Variants in TMCC1 observed in about 807,000 individuals in gnomAD.
TMCC1 encodes the protein transmembrane and coiled-coil domain family 1.
In TMCC1, 15 loss-of-function variants were observed where a neutral mutation model predicts 52.4. The observed-to-expected ratio is 0.29, with a 90% CI of 0.19 to 0.44. The LOEUF is 0.44. Among genes scored for constraint, TMCC1 ranks in the 20% least tolerant of loss-of-function variants. The pLI, the probability that TMCC1 is intolerant of heterozygous loss-of-function variation, is 1.00. For missense variants in TMCC1, 503 were observed against 806.0 expected, an observed-to-expected ratio of 0.62 and a Z score of 4.55; for synonymous variants, 279 against 301.9, an observed-to-expected ratio of 0.92 and a Z score of 0.79.
chr3:129,778,944 C>T (rs911685049), intron 4 of TMCC1, among the ~76,000 whole-genome samples: 4 of 152,128 alleles, frequency 2.6e-5, no homozygotes, highest in African/African-American at 9.7e-5. Context: ...CAGACTAATA[C>T]AGATGGAGTA....
At chr3:129,862,242 G>A (rs550875089) in intron 2 of TMCC1, among the ~76,000 whole-genome samples, 1 of 152,250 alleles carries the variant, frequency 6.6e-6, no homozygotes, top group South Asian at 2.1e-4. Flanking sequence ...TGCTCAATGG[G>A]TACAGAGTTT....
At chr3:129,708,270 T>C (rs1230747523) in intron 4 of TMCC1, among the ~76,000 whole-genome samples, 1 of 152,202 alleles carries the variant, frequency 6.6e-6, no homozygotes, top group Non-Finnish European at 1.5e-5. Context: ...TATTCTAATA[T>C]AGGGTAATAT....
chr3:129,836,539 A>G (rs2059167607), intron 2 of TMCC1, among the ~76,000 whole-genome samples: 1 of 152,230 alleles, frequency 6.6e-6, no homozygotes, highest in South Asian at 2.1e-4. Flanking sequence ...TGAGGTTCAA[A>G]AAGAGCTGGG....
At chr3:129,668,480 T>G (rs2087651829) in intron 5 of TMCC1, among the ~76,000 whole-genome samples, 1 of 152,198 alleles carries the variant, frequency 6.6e-6, no homozygotes, top group Non-Finnish European at 1.5e-5. Flanking sequence ...TTTTCAAGGT[T>G]AGTAAGGGGA....
rs375087483 is a variant in TMCC1, at chr3:129,828,113, C to G, written c.266G>C (p.Cys89Ser). ...PEMDLESQNA[C>S]AEIDGVPTHP... ...GGTGGGGACACCATCAATCTCAGCA[C>G]ATGCGTTCTGGCTTTCCAGATCCAT... Residue 89 changes from cysteine to serine, a missense_variant, in exon 4 of 7, where the codon TGT becomes TCT. By Grantham distance (112) the Cys-to-Ser change is moderately radical. This residue lies in a region of TMCC1 where 217 missense variants were observed against 297.9 expected (regional missense o/e 0.73). Transcript: ENST00000393238. This position sits in a 1 kb window ranked among gnomAD's most constrained non-coding sequence, Gnocchi z 4.1. 1 of 1,614,058 alleles carries G rather than the reference C, an allele frequency of 6.2e-7. No homozygotes were observed. The highest frequency in any genetic ancestry group is 8.5e-7 in the Non-Finnish European group (1 of 1,180,032).
At chr3:129,864,410 T>C (rs1341667012) in intron 2 of TMCC1, among the ~76,000 whole-genome samples, 2 of 152,216 alleles carry the variant, frequency 1.3e-5, no homozygotes, top group East Asian at 3.9e-4. Context: ...AAGTGATAAC[T>C]GCACTCAGGA....
intron 4 of TMCC1, among the ~76,000 whole-genome samples, chr3:129,760,401 A>AGT (rs200322394): frequency 0.067 from 9,190 of 137,900 alleles, 786 homozygotes; most frequent in African/African-American, 0.19. Flanking sequence ...ACGCCAGGCT[A>AGT]GTGTGTGTGT....
rs2108828479 is a variant in TMCC1, at chr3:129,648,100, C to T, written c.*3381G>A. 6.5e-6 allele frequency: 1 copy of T among 152,724 alleles called. No homozygotes were observed. Among genetic ancestry groups the T allele is most frequent in the South Asian group, 2.1e-4 (1 of 4,828 alleles). 9.5% of individuals were successfully genotyped at this position (152,724 alleles called of 1,614,324 possible). On this transcript the variant is annotated 3_prime_UTR_variant, in exon 7 of 7. Coordinates refer to ENST00000393238, the MANE Select transcript of TMCC1 (RefSeq NM_001017395.5). ...TAACTCTTAGAGCCACATTCAAAATCCCAGGTTTCATTTGGGGTTGGGGTG... is the reference window on the plus strand; with the variant it reads ...TAACTCTTAGAGCCACATTCAAAATTCCAGGTTTCATTTGGGGTTGGGGTG...
At chr3:129,794,344 G>A in intron 4 of TMCC1, 1 of 456,236 alleles carries the variant, frequency 2.2e-6, no homozygotes, top group South Asian at 1.5e-5. Context: ...TGCCTCCTGA[G>A]GCTAAAGCGC....
At chr3:129,878,532 A>G (rs2061327441) in intron 2 of TMCC1, among the ~76,000 whole-genome samples, 1 of 152,230 alleles carries the variant, frequency 6.6e-6, no homozygotes, top group Non-Finnish European at 1.5e-5. Context: ...TCTCTAGCAC[A>G]AACCACATTT....
intron 4 of TMCC1, among the ~76,000 whole-genome samples, chr3:129,691,243 A>C (rs2047009316): frequency 6.6e-6 from 1 of 152,160 alleles, no homozygotes; most frequent in Non-Finnish European, 1.5e-5. Context: ...GTCTATGTCG[A>C]GTGTAATTCA....
At chr3:129,817,445 T>C (rs2058154365) in intron 4 of TMCC1, among the ~76,000 whole-genome samples, 1 of 152,132 alleles carries the variant, frequency 6.6e-6, no homozygotes, top group Non-Finnish European at 1.5e-5. Flanking sequence ...AAAGACCCTG[T>C]CTTAATCAAT....
At chr3:129,776,025 G>A (rs1185956393) in intron 4 of TMCC1, among the ~76,000 whole-genome samples, 1 of 152,060 alleles carries the variant, frequency 6.6e-6, no homozygotes, top group Non-Finnish European at 1.5e-5. Context: ...AAGTTCTCCC[G>A]TTGTTAGGGC....
At chr3:129,695,973 C>CA (rs2047390841) in intron 4 of TMCC1, among the ~76,000 whole-genome samples, 1 of 152,120 alleles carries the variant, frequency 6.6e-6, no homozygotes, top group Admixed American at 6.5e-5. Flanking sequence ...AGAAGAAAAT[C>CA]AAAATATTTT....
chr3:129,728,760 CCTTAA>C (rs2050307326), intron 4 of TMCC1, among the ~76,000 whole-genome samples: 1 of 152,102 alleles, frequency 6.6e-6, no homozygotes, highest in African/African-American at 2.4e-5. Context: ...CACCACTAAC[CCTTAA>C]CTTATTCTTT....
At chr3:129,706,932 T>C (rs1039373614) in intron 4 of TMCC1, among the ~76,000 whole-genome samples, 1 of 151,984 alleles carries the variant, frequency 6.6e-6, no homozygotes, top group African/African-American at 2.4e-5. Flanking sequence ...CCTCAGCCTC[T>C]TGAGTGGCTG....
chr3:129,670,244 A>G, intron 5 of TMCC1, 86 bp downstream of exon 5: 12 of 1,409,782 alleles, frequency 8.5e-6, no homozygotes, highest in Non-Finnish European at 1.1e-5. Context: ...AGAGAAAGAT[A>G]AAGACTTTTA....
In TMCC1 at chr3:129,724,915, T is replaced by A. The variant is rs528879773; in HGVS notation, c.577-53651A>T. On this transcript the variant is annotated intron_variant, in intron 4 of 6. Transcript: ENST00000393238. The stretch of plus-strand genomic sequence containing the variant: ...AATCTATAAGAAGTTCTTCAATAGT[T>A]CAGTGGGATAAGGAGGGATAAGGAA... Among the ~76,000 whole-genome samples the A allele has an allele frequency of 2.0e-5, 3 of 152,316 alleles. No homozygotes were observed. In the South Asian group the frequency reaches 6.2e-4, roughly 32 times the overall value.
At chr3:129,718,121 C>T (rs1178994349) in intron 4 of TMCC1, among the ~76,000 whole-genome samples, 1 of 152,110 alleles carries the variant, frequency 6.6e-6, no homozygotes, top group Non-Finnish European at 1.5e-5. Context: ...AAAACATATG[C>T]AGACACTAAG....
Sources: gnomAD v4.1 joint callset for allele counts (sites outside exome capture counted in the v4.1 genomes callset) on GRCh38, gnomAD v4.1.1 for gene constraint, gnomAD v4.1.1 regional missense constraint, Gnocchi (gnomAD v3.1) non-coding constraint, MANE v1.5 for transcripts, NCBI Gene and HGNC (gene_info 2026-07-23, HGNC 2026-07-21) for gene names.